Variants in EIF4G3 observed in about 807,000 individuals in gnomAD.
The protein encoded by EIF4G3 is eukaryotic translation initiation factor 4 gamma 3.
In EIF4G3, 34 loss-of-function variants were observed where a neutral mutation model predicts 186.4. The observed-to-expected ratio is 0.18, with a 90% CI of 0.14 to 0.24. EIF4G3 has a LOEUF of 0.24. Among genes scored for constraint, EIF4G3 ranks in the 10% least tolerant of loss-of-function variants. The probability of loss-of-function intolerance (pLI) is 1.00; values close to 1 mark genes in which losing one functional copy is unlikely to be tolerated. For synonymous variants in EIF4G3, 673 were observed against 679.5 expected (o/e 0.99, Z 0.15); for missense variants, 1,536 against 1,948.5 (o/e 0.79, Z 3.99).
At chr1:20,908,942 G>C (rs1278988671) in intron 14 of EIF4G3, among the ~76,000 whole-genome samples, 2 of 152,186 alleles carry the variant, frequency 1.3e-5, no homozygotes, top group African/African-American at 4.8e-5. Context: ...TTGAGGTCAA[G>C]AGTTCGAGAC....
chr1:20,918,769 C>A (rs906136861), intron 14 of EIF4G3, among the ~76,000 whole-genome samples: 1 of 135,446 alleles, frequency 7.4e-6, no homozygotes, highest in Non-Finnish European at 1.5e-5. Context: ...TGGTCTTCAA[C>A]TCCTGGGCTC....
rs2096534111 is a variant in EIF4G3 at position 20,959,931 on chromosome 1, T to C, written c.714+9543A>G. On this transcript the variant is annotated intron_variant, in intron 12 of 36. Coordinates refer to ENST00000602326, the MANE Select transcript of EIF4G3 (RefSeq NM_001391906.1). ...AAAGGGAATGCTTATATGCTGCTGG[T>C]GGGAATGTAAAACTGGTGGGAATGT... 2.6e-5 allele frequency among the ~76,000 whole-genome samples: 4 copies of C among 152,130 alleles called. No individual in the cohort carries two copies. In the South Asian group the frequency reaches 8.3e-4, roughly 32 times the overall value.
chr1:20,975,531 C>T (rs1047178547), intron 10 of EIF4G3, among the ~76,000 whole-genome samples: 1 of 151,356 alleles, frequency 6.6e-6, no homozygotes, highest in Non-Finnish European at 1.5e-5. Context: ...ATTAGCAAAA[C>T]ATTAAGTCTT....
At chr1:20,833,363 T>C (rs1464937422) in intron 30 of EIF4G3, among the ~76,000 whole-genome samples, 1 of 152,240 alleles carries the variant, frequency 6.6e-6, no homozygotes, top group Admixed American at 6.5e-5. Context: ...ATTTTATTCT[T>C]TTTGAAGCAA....
At chr1:20,906,986 A>G (rs1316203190) in intron 14 of EIF4G3, among the ~76,000 whole-genome samples, 2 of 152,150 alleles carry the variant, frequency 1.3e-5, no homozygotes, top group Non-Finnish European at 2.9e-5. Flanking sequence ...AAAAAGGGAG[A>G]GGGAAGACAG....
At chr1:20,889,536 G>A (rs889435949) in intron 18 of EIF4G3, among the ~76,000 whole-genome samples, 6 of 151,794 alleles carry the variant, frequency 4.0e-5, no homozygotes, top group Non-Finnish European at 7.4e-5. Flanking sequence ...TTGCTCTTTC[G>A]CCCAGGATGG....
At chr1:20,986,783 A>G (rs934476406) in intron 7 of EIF4G3, among the ~76,000 whole-genome samples, 3 of 147,958 alleles carry the variant, frequency 2.0e-5, no homozygotes, top group Non-Finnish European at 3.0e-5. Flanking sequence ...AAAACTTGAC[A>G]TAAATGTCAC....
intron 2 of EIF4G3, among the ~76,000 whole-genome samples, chr1:21,150,553 C>A (rs925623643): frequency 6.6e-6 from 1 of 152,150 alleles, no homozygotes; most frequent in African/African-American, 2.4e-5. Context: ...AAAATCTAAA[C>A]GCATTTCAAA....
At chr1:20,947,277 G>T (rs1170624453) in intron 13 of EIF4G3, among the ~76,000 whole-genome samples, 1 of 151,964 alleles carries the variant, frequency 6.6e-6, no homozygotes, top group African/African-American at 2.4e-5. Flanking sequence ...CTGGGAGGTG[G>T]AGGCTGCAGT....
intron 2 of EIF4G3, among the ~76,000 whole-genome samples, chr1:21,091,125 A>G (rs1230155710): frequency 1.3e-5 from 2 of 152,166 alleles, no homozygotes; most frequent in Admixed American, 6.5e-5. Context: ...TTACTTTGGA[A>G]ACAGCTATAG....
At chr1:20,978,114 G>A (rs1234408239) in intron 10 of EIF4G3, among the ~76,000 whole-genome samples, 1 of 152,060 alleles carries the variant, frequency 6.6e-6, no homozygotes, top group Non-Finnish European at 1.5e-5. Context: ...AAAAATTCTA[G>A]ATAGTAACAA....
intron 4 of EIF4G3, among the ~76,000 whole-genome samples, chr1:21,042,837 C>T (rs1223149824): frequency 1.3e-5 from 2 of 152,176 alleles, no homozygotes; most frequent in African/African-American, 4.8e-5. Flanking sequence ...TCAAACTGCA[C>T]AATTTCTTCA....
intron 2 of EIF4G3, among the ~76,000 whole-genome samples, chr1:21,090,086 A>G (rs926840583): frequency 2.0e-5 from 3 of 152,234 alleles, no homozygotes; most frequent in African/African-American, 7.2e-5. Flanking sequence ...ATTGAAATAC[A>G]GTAGTACATC....
intron 3 of EIF4G3, among the ~76,000 whole-genome samples, chr1:21,060,782 GAAAAAAAAAA>G (rs34598369): frequency 1.7e-5 from 2 of 117,352 alleles, no homozygotes; most frequent in African/African-American, 6.8e-5. Context: ...TGTCTCTTAA[GAAAAAAAAAA>G]AAAAAAAAAA....
chr1:20,822,787 G>A (rs534665900), intron 33 of EIF4G3, among the ~76,000 whole-genome samples: 3 of 151,698 alleles, frequency 2.0e-5, no homozygotes, highest in Admixed American at 6.6e-5. Context: ...TCTAAATATC[G>A]ATGATATGTT....
rs562296600 is a variant in EIF4G3 at position 20,951,439 on chromosome 1, T to C, written c.715-1328A>G. Among the ~76,000 whole-genome samples, 120 of 152,000 alleles carry C rather than the reference T, an allele frequency of 7.9e-4. 1 individual carries two copies. Among genetic ancestry groups the C allele is most frequent in the African/African-American group, 2.6e-3 (106 of 41,474 alleles). On this transcript the variant is annotated intron_variant, in intron 12 of 36. Coordinates refer to ENST00000602326, the MANE Select transcript of EIF4G3 (RefSeq NM_001391906.1). ...TATTTCTATATAAAAAAATGGAGAG[T>C]TACTGTTTTCACGGGGACAAATAAA...
At chr1:21,007,959 C>A (rs2085763173) in intron 4 of EIF4G3, among the ~76,000 whole-genome samples, 1 of 152,076 alleles carries the variant, frequency 6.6e-6, no homozygotes, top group East Asian at 1.9e-4. Flanking sequence ...ATAAAGAAAA[C>A]CTCTGTCCTC....
chr1:20,814,747 ATCTCCC>A (rs1557737390), intron 34 of EIF4G3, among the ~76,000 whole-genome samples: 6 of 25,268 alleles, frequency 2.4e-4, no homozygotes, highest in Non-Finnish European at 5.2e-4. Flanking sequence ...TTAAAAATTC[ATCTCCC>A]CCTCCCCCTC....
intron 12 of EIF4G3, among the ~76,000 whole-genome samples, chr1:20,968,283 G>A (rs111252553): frequency 1.1e-3 from 165 of 151,564 alleles, no homozygotes; most frequent in African/African-American, 3.9e-3. Context: ...GGGTTCAAAC[G>A]ATTCTCCTGC....
Sources: gnomAD v4.1 joint callset for allele counts (sites outside exome capture counted in the v4.1 genomes callset) on GRCh38, gnomAD v4.1.1 for gene constraint, MANE v1.5 for transcripts, NCBI Gene and HGNC (gene_info 2026-07-23, HGNC 2026-07-21) for gene names.